The following MID1 variants were observed in gnomAD, a reference collection of about 807,000 sequenced individuals.
MID1 encodes the protein midline 1.
A neutral mutation model predicts 40.4 loss-of-function variants in MID1; 7 were observed. The observed-to-expected ratio is 0.17, with a 90% CI of 0.10 to 0.33. MID1 has a LOEUF of 0.33. MID1 is among the 10% of genes least tolerant of loss of function. MID1 has a pLI of 1.00. For missense variants in MID1, 367 were observed against 558.5 expected (o/e 0.66, Z 3.46); for synonymous variants, 229 against 221.2 (o/e 1.04, Z -0.31).
intron 1 of MID1, among the ~76,000 whole-genome samples, chrX:10,706,608 G>A (rs749667449): frequency 3.6e-4 from 40 of 111,256 alleles, no homozygotes; most frequent in Admixed American, 9.6e-5. Context: ...CACTATGATT[G>A]TAAGTTTCCT....
intron 1 of MID1, among the ~76,000 whole-genome samples, chrX:10,609,619 G>C (rs1935692109): frequency 9.1e-6 from 1 of 110,213 alleles, no homozygotes; most frequent in South Asian, 3.9e-4. Flanking sequence ...CTACTGCCGG[G>C]AGTGATTCTC....
At chrX:10,506,284 A>G in intron 3 of MID1, 3 of 1,015,177 alleles carry the variant, frequency 3.0e-6, no homozygotes. Flanking sequence ...CATTTTAGAC[A>G]TGGTTGGCAG....
intron 1 of MID1, among the ~76,000 whole-genome samples, chrX:10,635,860 G>GTCTCC (rs1210804880): frequency 8.9e-6 from 1 of 112,127 alleles, no homozygotes; most frequent in Non-Finnish European, 1.9e-5. Flanking sequence ...GTCTGTCACA[G>GTCTCC]TCATGTCTTC....
chrX:10,737,795 G>A (rs1162681541), intron 1 of MID1, among the ~76,000 whole-genome samples: 3 of 110,960 alleles, frequency 2.7e-5, no homozygotes, highest in South Asian at 7.8e-4. Flanking sequence ...ATGCAAGAAA[G>A]CAGAAGTAGA....
intron 1 of MID1, among the ~76,000 whole-genome samples, chrX:10,825,685 A>G (rs2044210879): frequency 9.0e-6 from 1 of 111,511 alleles, no homozygotes; most frequent in Non-Finnish European, 1.9e-5. Flanking sequence ...GGTTGGAATG[A>G]AATAGAAAGA....
At position 10,448,577 on chromosome X, in the gene MID1, G is replaced by A. The variant is rs1391169228; in HGVS notation, c.*791C>T. The A allele has an allele frequency of 2.7e-5, 3 of 112,052 alleles. No individual in the cohort carries two copies. The highest frequency in any genetic ancestry group is 3.8e-5 in the Non-Finnish European group (2 of 53,253). 9.2% of individuals were successfully genotyped at this position (112,052 alleles called of 1,213,427 possible). On this transcript the variant is annotated 3_prime_UTR_variant, in exon 10 of 10. Coordinates refer to ENST00000317552, the MANE Select transcript of MID1 (RefSeq NM_000381.4). ...CCTCTGATAAAAGACAAATCAGCCT[G>A]AATTTTTGAATAATCAATAGGATTC...
intron 1 of MID1, among the ~76,000 whole-genome samples, chrX:10,670,065 T>C (rs1173845378): frequency 8.9e-6 from 1 of 112,183 alleles, no homozygotes; most frequent in Non-Finnish European, 1.9e-5. Context: ...TCTGAGATTC[T>C]CCTTCTTCCA....
At chrX:10,463,683 G>GCAAA in intron 7 of MID1, among the ~76,000 whole-genome samples, 1 of 111,836 alleles carries the variant, frequency 8.9e-6, no homozygotes, top group Non-Finnish European at 1.9e-5. Context: ...TACCACTGTG[G>GCAAA]CAAACACAAG....
chrX:10,672,606 C>G (rs939463885), intron 1 of MID1, among the ~76,000 whole-genome samples: 9 of 111,727 alleles, frequency 8.1e-5, no homozygotes, highest in Non-Finnish European at 1.7e-4. Flanking sequence ...AGATTCTTGT[C>G]TAGAGCCTTC....
chrX:10,733,392 G>C (rs2043465163), intron 1 of MID1, among the ~76,000 whole-genome samples: 1 of 111,240 alleles, frequency 9.0e-6, no homozygotes, highest in African/African-American at 3.3e-5. Flanking sequence ...CACAACCATA[G>C]GGCAGGAAAA....
At position 10,689,697 on chromosome X, in the gene MID1, ATT is replaced by A. The variant is rs371993916; in HGVS notation, c.-186-69280_-186-69279del. 6.0e-3 allele frequency among the ~76,000 whole-genome samples: 595 copies of A among 99,570 alleles called. 7 individuals are homozygous for A. Among genetic ancestry groups the A allele is most frequent in the African/African-American group, 0.02 (557 of 27,487 alleles). The allele number at this position is 99,570 out of a possible 115,157, so 86.5% of individuals were successfully genotyped here. A position where few individuals can be genotyped will look rare whatever the true frequency, so the allele number is the denominator to read the frequency against. Reference sequence around the variant, plus strand: ...TATCACCGTGTTTCAAATGTTGTAGATTTTTTTTTTTTTTACCTCTTCCTCTC... The same window carrying A: ...TATCACCGTGTTTCAAATGTTGTAGATTTTTTTTTTTTACCTCTTCCTCTC... On this transcript the variant is annotated intron_variant, in intron 1 of 10. Transcript: ENST00000380785.
chrX:10,588,407 T>C (rs1413321998), intron 1 of MID1, among the ~76,000 whole-genome samples: 1 of 111,606 alleles, frequency 9.0e-6, no homozygotes, highest in African/African-American at 3.3e-5. Context: ...GGATTTTTGA[T>C]AGGAAGGCCT....
rs1157587070 is a variant in MID1 at position 10,485,206 on chromosome X, G to C, written c.865-2578C>G. Among the ~76,000 whole-genome samples the C allele has an allele frequency of 3.0e-4, 33 of 111,613 alleles. No homozygotes were observed. The Admixed American group carries it at 3.1e-3, about 10-fold the overall frequency. On this transcript the variant is annotated intron_variant, in intron 4 of 9. Transcript: ENST00000317552. ...CAAAGCCTAAAATATTTGTTATCTG[G>C]CCCTTGACAGAAAAGTCGGCTAACC...
intron 1 of MID1, among the ~76,000 whole-genome samples, chrX:10,704,191 C>T (rs960595986): frequency 1.8e-5 from 2 of 112,139 alleles, no homozygotes; most frequent in African/African-American, 6.5e-5. Flanking sequence ...GGCAAAATAA[C>T]CTGTCAGTCA....
intron 1 of MID1, chrX:10,589,736 C>T (rs1225306726): frequency 2.7e-5 from 3 of 110,466 alleles, no homozygotes; most frequent in Non-Finnish European, 3.8e-5. Context: ...GGATCCGCGT[C>T]GCTCCGGCTG....
intron 2 of MID1, among the ~76,000 whole-genome samples, chrX:10,525,685 C>G (rs752727501): frequency 1.8e-5 from 2 of 112,476 alleles, no homozygotes; most frequent in Admixed American, 9.4e-5. Flanking sequence ...ACAAGGCACT[C>G]GTGTGCAACA....
chrX:10,594,653 T>C (rs1935377457), intron 1 of MID1, among the ~76,000 whole-genome samples: 1 of 111,544 alleles, frequency 9.0e-6, no homozygotes, highest in Non-Finnish European at 1.9e-5. Flanking sequence ...CATTGGGAAG[T>C]ACTGCGGATT....
chrX:10,817,688 T>C (rs2044149329), intron 1 of MID1, among the ~76,000 whole-genome samples: 1 of 104,740 alleles, frequency 9.5e-6, no homozygotes, highest in African/African-American at 3.5e-5. Context: ...GGTGTGATCT[T>C]GGCTCACTGC....
chrX:10,594,787 T>C (rs780808960), intron 1 of MID1, among the ~76,000 whole-genome samples: 2 of 112,039 alleles, frequency 1.8e-5, no homozygotes, highest in East Asian at 5.6e-4. Context: ...GTAGCGCACT[T>C]GTATTAATTC....
Sources: allele counts gnomAD v4.1 joint callset (sites outside exome capture counted in the v4.1 genomes callset), GRCh38; gene constraint gnomAD v4.1.1; transcripts MANE v1.5; gene names NCBI Gene and HGNC (gene_info 2026-07-23, HGNC 2026-07-21).